Variants in GLUD1 observed in about 807,000 individuals in gnomAD.
The protein encoded by GLUD1 is glutamate dehydrogenase 1, mitochondrial.
Under a neutral mutation model 56.0 loss-of-function variants are expected in GLUD1, and 22 were observed. That is an observed-to-expected ratio of 0.39 (90% CI 0.28 to 0.56). The LOEUF (loss-of-function observed/expected upper bound fraction) is 0.56, where lower values mean the gene tolerates loss of function less well. Among genes scored for constraint, GLUD1 ranks in the 20% least tolerant of loss-of-function variants. The pLI, the probability that GLUD1 is intolerant of heterozygous loss-of-function variation, is 0.58. For missense variants in GLUD1, 451 were observed against 732.0 expected (o/e 0.62, Z 4.43); for synonymous variants, 223 against 269.9 (o/e 0.83, Z 1.70).
chr10:87,055,543 T>C (rs1845749207), intron 11 of GLUD1, among the ~76,000 whole-genome samples: 1 of 152,132 alleles, frequency 6.6e-6, no homozygotes, highest in Non-Finnish European at 1.5e-5. Context: ...TGCTAGCCAC[T>C]TGGGATGGAT....
chr10:87,084,774 AG>A (rs1398359591), intron 1 of GLUD1, among the ~76,000 whole-genome samples: 1 of 152,246 alleles, frequency 6.6e-6, no homozygotes, highest in African/African-American at 2.4e-5. Context: ...CAGAACCACC[AG>A]AAAAGCAAAA....
intron 1 of GLUD1, chr10:87,091,527 T>C (rs1841509957): frequency 2.0e-6 from 1 of 491,016 alleles, no homozygotes; most frequent in Admixed American, 6.4e-5. Flanking sequence ...CTGGAAATAT[T>C]TTTAAGGCCT....
At chr10:87,068,395 G>C (rs1236341415) in intron 4 of GLUD1, among the ~76,000 whole-genome samples, 2 of 152,142 alleles carry the variant, frequency 1.3e-5, no homozygotes, top group African/African-American at 4.8e-5. Flanking sequence ...TGTATGTTTG[G>C]AAGTTAGCTA....
intron 1 of GLUD1, among the ~76,000 whole-genome samples, 198 bp from the exon 2 acceptor site, chr10:87,076,854 T>TA (rs950284250): frequency 5.9e-5 from 9 of 152,324 alleles, no homozygotes; most frequent in African/African-American, 9.6e-5. Flanking sequence ...TATAAAACGT[T>TA]AAAAAAACCT....
At chr10:87,092,706 C>G in intron 1 of GLUD1, 1 of 415,064 alleles carries the variant, frequency 2.4e-6, no homozygotes, top group South Asian at 1.0e-4. Context: ...CTGCAGAAAA[C>G]CACATACACT....
chr10:87,069,533 AG>A (rs970189309), intron 4 of GLUD1, among the ~76,000 whole-genome samples: 16 of 150,294 alleles, frequency 1.1e-4, no homozygotes, highest in Middle Eastern at 3.2e-3. Flanking sequence ...AAAAAAAAAA[AG>A]TTAAACTATT....
intron 4 of GLUD1, among the ~76,000 whole-genome samples, chr10:87,069,272 C>T (rs1478521065): frequency 1.3e-5 from 2 of 151,836 alleles, no homozygotes; most frequent in African/African-American, 2.4e-5. Flanking sequence ...ATCCCAGCAC[C>T]TTGGGAGGCT....
At chr10:87,085,082 C>T (rs555324961) in intron 1 of GLUD1, among the ~76,000 whole-genome samples, 34 of 152,242 alleles carry the variant, frequency 2.2e-4, no homozygotes, top group South Asian at 2.1e-3. Flanking sequence ...TGGTGGCTCA[C>T]GCGTGTAATC....
chr10:87,059,456 C>A (rs1385446552), intron 9 of GLUD1, among the ~76,000 whole-genome samples, 183 bp from the exon 10 acceptor site: 1 of 146,046 alleles, frequency 6.8e-6, no homozygotes, highest in African/African-American at 2.6e-5. Context: ...CCAATTCCAT[C>A]TAAGGCTTTT....
chr10:87,053,238 G>A (rs944941666), intron 12 of GLUD1, 104 bp downstream of exon 12: 1 of 794,252 alleles, frequency 1.3e-6, no homozygotes, highest in Non-Finnish European at 2.2e-6. Flanking sequence ...CCATTGAACA[G>A]ATTGATGTTT....
At chr10:87,074,863 T>C (rs2133825356) in intron 3 of GLUD1, among the ~76,000 whole-genome samples, 1 of 152,222 alleles carries the variant, frequency 6.6e-6, no homozygotes, top group South Asian at 2.1e-4. Flanking sequence ...CACTGAAAAA[T>C]ACACTAAATC....
chr10:87,090,793 G>A (rs1841493546), intron 1 of GLUD1, among the ~76,000 whole-genome samples: 1 of 152,178 alleles, frequency 6.6e-6, no homozygotes, highest in African/African-American at 2.4e-5. Flanking sequence ...GAAACTGTGA[G>A]TTTATTAAAA....
intron 5 of GLUD1, among the ~76,000 whole-genome samples, chr10:87,065,272 CAAAAAAAAAAAA>C (rs59540767): frequency 2.0e-4 from 12 of 60,820 alleles, no homozygotes; most frequent in Admixed American, 6.8e-4. Flanking sequence ...GACTCCGTCT[CAAAAAAAAAAAA>C]AAAAAAAAAA....
In GLUD1 at chr10:87,051,548, T is replaced by C. The variant is rs1450215215; in HGVS notation, c.*203A>G. ...ATGGCTCTCTGGTGTAGGTGATTTC[T>C]ACTTTCACACTCAGCTTGTACATGA... On this transcript the variant is annotated 3_prime_UTR_variant, in exon 13 of 13. Transcript: ENST00000277865. The C allele has an allele frequency of 8.9e-6, 6 of 674,434 alleles. No homozygotes were observed. Among genetic ancestry groups the C allele is most frequent in the African/African-American group, 1.8e-5 (1 of 55,556 alleles). The allele number at this position is 674,434 out of a possible 1,614,324, so 41.8% of individuals were successfully genotyped here.
intron 1 of GLUD1, chr10:87,089,622 G>C (rs1425387700): frequency 2.0e-6 from 2 of 985,250 alleles, no homozygotes; most frequent in Non-Finnish European, 2.4e-6. Flanking sequence ...GAATCTTCTA[G>C]GTGTAGTTGC....
chr10:87,057,875 CA>C, intron 10 of GLUD1, 93 bp from the exon 11 acceptor site: 2 of 735,666 alleles, frequency 2.7e-6, no homozygotes, highest in East Asian at 2.6e-5. Context: ...AACTGTAACC[CA>C]AAAACTTATA....
At chr10:87,070,471 T>A (rs1018115258) in intron 4 of GLUD1, among the ~76,000 whole-genome samples, 1 of 152,060 alleles carries the variant, frequency 6.6e-6, no homozygotes, top group East Asian at 1.9e-4. Context: ...TGGAGGCACA[T>A]GCCCATAGTC....
At chr10:87,064,039 G>A (rs552899643) in intron 5 of GLUD1, among the ~76,000 whole-genome samples, 8 of 152,082 alleles carry the variant, frequency 5.3e-5, no homozygotes, top group East Asian at 1.9e-4. Context: ...CATCACGCCC[G>A]GCTAATTTTT....
At chr10:87,064,128 T>G (rs1317769790) in intron 5 of GLUD1, among the ~76,000 whole-genome samples, 2 of 152,166 alleles carry the variant, frequency 1.3e-5, no homozygotes, top group Admixed American at 1.3e-4. Flanking sequence ...TTAGTCAGGA[T>G]GGTCTCGATC....
Sources: allele counts gnomAD v4.1 joint callset (sites outside exome capture counted in the v4.1 genomes callset), GRCh38; gene constraint gnomAD v4.1.1; transcripts MANE v1.5; gene names NCBI Gene and HGNC (gene_info 2026-07-23, HGNC 2026-07-21).